Variants in SESN2 observed in about 807,000 individuals in gnomAD.
The protein encoded by SESN2 is sestrin-2.
A neutral mutation model predicts 56.0 loss-of-function variants in SESN2; 42 were observed. That is an observed-to-expected ratio of 0.75 (90% CI 0.59 to 0.97). SESN2 has a LOEUF of 0.97. Among genes scored for constraint, SESN2 ranks in the 50% least tolerant of loss-of-function variants. The pLI is 0.00. For missense variants in SESN2, 507 were observed against 649.4 expected, an observed-to-expected ratio of 0.78 and a Z score of 2.38; for synonymous variants, 264 against 267.1, an observed-to-expected ratio of 0.99 and a Z score of 0.11.
At chr1:28,269,933 C>T (rs79155269) in intron 2 of SESN2, among the ~76,000 whole-genome samples, 1 of 152,236 alleles carries the variant, frequency 6.6e-6, no homozygotes, top group African/African-American at 2.4e-5. Context: ...ACAAGACAGA[C>T]AAAAATATTT....
At chr1:28,275,792 G>T (rs1369404966) in intron 8 of SESN2, among the ~76,000 whole-genome samples, 3 of 151,928 alleles carry the variant, frequency 2.0e-5, no homozygotes, top group Non-Finnish European at 4.4e-5. Flanking sequence ...GGTGGCTCAT[G>T]CCTGTAATCC....
intron 1 of SESN2, among the ~76,000 whole-genome samples, chr1:28,266,925 G>C (rs1257252183): frequency 1.3e-5 from 2 of 152,170 alleles, no homozygotes; most frequent in Non-Finnish European, 1.5e-5. Flanking sequence ...GATCCAGACC[G>C]ATGACTTAGA....
Position 28,272,318 on chromosome 1 carries a change from G to A in SESN2, c.389G>A (p.Gly130Asp), listed in dbSNP as rs1338593782. 8 of 1,613,920 alleles carry A rather than the reference G, an allele frequency of 5.0e-6. No individual in the cohort carries two copies. The African/African-American group carries it at 8.0e-5, about 16-fold the overall frequency. Reference protein sequence around the residue: ...AARHQCSYLVGSHMAEFLQTG... With the variant: ...AARHQCSYLVDSHMAEFLQTG... ...CGCCATCAGTGTTCTTACCTGGTAG[G>A]CTCCCACATGGCCGAGTTTCTGCAG... Residue 130 changes from glycine (G) to aspartate (D), a missense_variant, in exon 4 of 10, where the codon GGC becomes GAC. By Grantham distance (94) the Gly-to-Asp change is moderately conservative. Coordinates refer to ENST00000253063, the MANE Select transcript of SESN2 (RefSeq NM_031459.5).
intron 8 of SESN2, 115 bp downstream of exon 8, chr1:28,275,130 T>A: frequency 1.4e-6 from 1 of 737,360 alleles, no homozygotes; most frequent in Non-Finnish European, 2.1e-6. Context: ...TTGCCTATAC[T>A]GTTTTTCAAA....
At chr1:28,260,939 C>T (rs1358396935) in intron 1 of SESN2, among the ~76,000 whole-genome samples, 2 of 152,136 alleles carry the variant, frequency 1.3e-5, no homozygotes, top group East Asian at 1.9e-4. Context: ...GCTATAGCCC[C>T]ATTTTACAGG....
intron 1 of SESN2, among the ~76,000 whole-genome samples, chr1:28,268,167 C>T (rs1212201943): frequency 1.3e-5 from 2 of 152,022 alleles, no homozygotes; most frequent in Non-Finnish European, 1.5e-5. Context: ...GAGGCCAGGG[C>T]TAAGGAGGCC....
At chr1:28,263,263 T>G (rs1390471479) in intron 1 of SESN2, among the ~76,000 whole-genome samples, 1 of 152,114 alleles carries the variant, frequency 6.6e-6, no homozygotes, top group African/African-American at 2.4e-5. Flanking sequence ...GAAGAAGGGA[T>G]TATAAGAACT....
chr1:28,260,749 G>A (rs1051059826), intron 1 of SESN2, among the ~76,000 whole-genome samples: 1 of 140,284 alleles, frequency 7.1e-6, no homozygotes, highest in Non-Finnish European at 1.5e-5. Context: ...CAGGGGCTTT[G>A]CAGGGAGACC....
chr1:28,270,622 A>C (rs1309605741), intron 2 of SESN2, among the ~76,000 whole-genome samples: 2 of 151,534 alleles, frequency 1.3e-5, no homozygotes, highest in East Asian at 3.9e-4. Context: ...CCCAGGCTGG[A>C]GTGCAATGGC....
chr1:28,273,286 G>A, intron 5 of SESN2, 72 bp from the exon 6 acceptor site: 1 of 1,434,050 alleles, frequency 7.0e-7, no homozygotes. Flanking sequence ...CTGGCCTCTG[G>A]GAAGGATGAG....
rs1647781952 is a variant in SESN2, at chr1:28,271,704, C to T, written c.187C>T (p.Gln63Ter). Residue 63 changes from glutamine (Q) to a stop codon, truncating the protein, a stop_gained, in exon 3 of 10, where the codon CAG (glutamine) becomes TAG (stop). Transcript: ENST00000253063. LOFTEE classifies it high-confidence loss of function. ...TCGGGAGGGGGCTGAGAGCCTCGAG[C>T]AGCACCTGGGGCTGGAGGCACTGAT... ...VLREGAESLE[Q>*]HLGLEALMSS... 1 of 1,614,192 alleles carries T rather than the reference C, an allele frequency of 6.2e-7. No homozygotes were observed. The highest frequency in any genetic ancestry group is 1.7e-4 in the Middle Eastern group (1 of 6,054).
Position 28,273,462 on chromosome 1 carries a change from C to G in SESN2, c.855C>G (p.Ser285Arg), listed in dbSNP as rs1286049260. The G allele has an allele frequency of 2.5e-6, 4 of 1,611,042 alleles. No homozygotes were observed. In the African/African-American group the frequency reaches 4.0e-5, roughly 16 times the overall value. Residue 285 changes from serine to arginine, a missense_variant, in exon 6 of 10, where the codon AGC (serine) becomes AGG (arginine). By Grantham distance (110) the Ser-to-Arg change is moderately radical. Coordinates refer to ENST00000253063, the MANE Select transcript of SESN2 (RefSeq NM_031459.5). ...GGACGTCCCAGGAGGAGATGGAGAG[C>G]CGCTTTGAGCTGGAGAAGTCAGAGA... is the stretch of plus-strand genomic sequence containing the variant. ...DEGTSQEEME[S>R]RFELEKSESL... is the part of the protein sequence containing the mutation.
chr1:28,267,996 G>T (rs1039526185), intron 1 of SESN2, among the ~76,000 whole-genome samples: 4 of 152,198 alleles, frequency 2.6e-5, no homozygotes, highest in African/African-American at 4.8e-5. Flanking sequence ...CCAGAAAAAG[G>T]TTCCTAGACT....
chr1:28,268,530 T>C (rs931187762), intron 1 of SESN2, among the ~76,000 whole-genome samples: 1 of 151,714 alleles, frequency 6.6e-6, no homozygotes, highest in Non-Finnish European at 1.5e-5. Flanking sequence ...GTGAGCGTGG[T>C]TGTGCATGCC....
At chr1:28,274,629 T>C (rs559482834) in intron 7 of SESN2, among the ~76,000 whole-genome samples, 196 bp from the exon 8 acceptor site, 58 of 152,090 alleles carry the variant, frequency 3.8e-4, no homozygotes, top group African/African-American at 1.3e-3. Flanking sequence ...TACCCTAAGC[T>C]CAGGGGTTGC....
At chr1:28,261,779 CTTTT>C (rs35935502) in intron 1 of SESN2, among the ~76,000 whole-genome samples, 2 of 129,632 alleles carry the variant, frequency 1.5e-5, no homozygotes, top group Admixed American at 7.7e-5. Flanking sequence ...TTTTTCTTAT[CTTTT>C]TTTTTTTTTT....
chr1:28,269,235 T>TC lies in SESN2; in HGVS notation c.147dup (p.Val50ArgfsTer10). ...GGCCCTCGAGGGCCCAGCGCCTTCA[T>TC]CCCCGTGGAGGAGGTAAGCTTGGAA... is the stretch of plus-strand genomic sequence containing the variant. On this transcript the variant is annotated frameshift_variant, in exon 2 of 10. Transcript: ENST00000253063. LOFTEE classifies it high-confidence loss of function. 1 of 1,612,118 alleles carries TC rather than the reference T, an allele frequency of 6.2e-7. No individual in the cohort carries two copies. Among genetic ancestry groups the TC allele is most frequent in the Non-Finnish European group, 8.5e-7 (1 of 1,179,002 alleles).
chr1:28,260,853 C>T (rs1003252981), intron 1 of SESN2, among the ~76,000 whole-genome samples: 2 of 152,038 alleles, frequency 1.3e-5, no homozygotes, highest in African/African-American at 4.8e-5. Flanking sequence ...TTATTATGCA[C>T]CTACTAGATA....
rs759318594 is a variant in SESN2 at position 28,272,271 on chromosome 1, A to G, written c.355-13A>G. The G allele has an allele frequency of 6.2e-7, 1 of 1,612,984 alleles. No homozygotes were observed. The highest frequency in any genetic ancestry group is 8.5e-7 in the Non-Finnish European group (1 of 1,179,480). ...GAGGAGGGTGACTCAGGCTGTGTCC[A>G]CTACCTCCGCAGGCTGCCGCCCGCC... On this transcript the variant is annotated splice_polypyrimidine_tract_variant and intron_variant, in intron 3 of 9. Coordinates refer to ENST00000253063, the MANE Select transcript of SESN2 (RefSeq NM_031459.5).
Sources: gnomAD v4.1 joint callset for allele counts (sites outside exome capture counted in the v4.1 genomes callset) on GRCh38, gnomAD v4.1.1 for gene constraint, MANE v1.5 for transcripts, NCBI Gene and HGNC (gene_info 2026-07-23, HGNC 2026-07-21) for gene names.